The following SDHAF4 variants were observed in gnomAD, a reference collection of about 807,000 sequenced individuals.
SDHAF4 encodes succinate dehydrogenase assembly factor 4, mitochondrial.
In SDHAF4, 14 loss-of-function variants were observed where a neutral mutation model predicts 14.3. The ratio of observed to expected loss-of-function variants is 0.98; its 90% CI spans 0.65 to 1.53. The LOEUF is 1.53. SDHAF4 is among the 40% of genes most tolerant of loss of function. The pLI, the probability that SDHAF4 is intolerant of heterozygous loss-of-function variation, is 0.00. For missense variants in SDHAF4, 141 were observed against 129.3 expected (o/e 1.09, Z -0.44); for synonymous variants, 63 against 47.3 (o/e 1.33, Z -1.36).
chr6:70,590,279 C>A (rs116918887), downstream of SDHAF4, among the ~76,000 whole-genome samples: 1 of 152,014 alleles, frequency 6.6e-6, no homozygotes, highest in Non-Finnish European at 1.5e-5. Context: ...AGCACACATT[C>A]AAGAAAGGGG....
At chr6:70,596,569 C>G in the SDHAF4 span, 1 of 152,200 alleles carries the variant, frequency 6.6e-6, no homozygotes, top group Non-Finnish European at 1.5e-5. Context: ...TTAAAAACAA[C>G]CTACAGTTTT....
In SDHAF4 at chr6:70,571,022, A is replaced by T. The variant is rs552668267; in HGVS notation, c.64+4018A>T. Among the ~76,000 whole-genome samples, 75 of 152,290 alleles carry T rather than the reference A, an allele frequency of 4.9e-4. No individual in the cohort carries two copies. The South Asian group carries it at 8.9e-3, about 18-fold the overall frequency. On this transcript the variant is annotated intron_variant, in intron 1 of 2. Transcript: ENST00000370474. The stretch of plus-strand genomic sequence containing the variant: ...AAATTTCATGGAACATGAAAAAAAA[A>T]ATATGGTATTAGCTACAGTTATACC...
chr6:70,576,071 G>T (rs541658375), intron 1 of SDHAF4, among the ~76,000 whole-genome samples: 1 of 152,110 alleles, frequency 6.6e-6, no homozygotes, highest in Admixed American at 6.5e-5. Flanking sequence ...CATCTGACAC[G>T]CCCTTGTTTC....
chr6:70,571,549 G>A (rs930266756), intron 1 of SDHAF4, among the ~76,000 whole-genome samples: 1 of 152,064 alleles, frequency 6.6e-6, no homozygotes, highest in Non-Finnish European at 1.5e-5. Context: ...TTCTGACCTC[G>A]TGATATGCCT....
In SDHAF4 at chr6:70,579,489, C is replaced by A; in HGVS notation, c.140C>A (p.Ser47Tyr). Residue 47 changes from serine to tyrosine, a missense_variant, in exon 2 of 3, where the codon TCC becomes TAC. By Grantham distance (144) the Ser-to-Tyr change is moderately radical. Coordinates refer to ENST00000370474, the MANE Select transcript of SDHAF4 (RefSeq NM_145267.3). The part of the protein sequence containing the change: ...QGGKSELVKQ[S>Y]LKKPKLPEGR... ...GGAAAGTCTGAACTTGTCAAACAGTCCCTTAAGAAGCCGAAGTTACCAGAA... is the reference window on the plus strand; with the variant it reads ...GGAAAGTCTGAACTTGTCAAACAGTACCTTAAGAAGCCGAAGTTACCAGAA... 1 of 1,611,856 alleles carries A rather than the reference C, an allele frequency of 6.2e-7. No homozygotes were observed. Among genetic ancestry groups the A allele is most frequent in the Non-Finnish European group, 8.5e-7 (1 of 1,178,796 alleles).
At chr6:70,581,587 A>G (rs1167084420) in intron 2 of SDHAF4, among the ~76,000 whole-genome samples, 14 of 151,890 alleles carry the variant, frequency 9.2e-5, no homozygotes, top group Admixed American at 8.5e-4. Context: ...TTGTGTGTGT[A>G]TGTATGTGTG....
chr6:70,582,132 C>T (rs1017581287), intron 2 of SDHAF4, among the ~76,000 whole-genome samples: 6 of 152,114 alleles, frequency 3.9e-5, no homozygotes, highest in Admixed American at 3.3e-4. Context: ...AGTGCAGTGG[C>T]GCCATCACAG....
chr6:70,587,218 A>AGT (rs1349036963), intron 2 of SDHAF4, among the ~76,000 whole-genome samples: 1 of 148,118 alleles, frequency 6.8e-6, no homozygotes, highest in African/African-American at 2.5e-5. Flanking sequence ...GGTCAGGTGC[A>AGT]GTGGCTCACG....
intron 1 of SDHAF4, among the ~76,000 whole-genome samples, chr6:70,570,589 C>T (rs1001299623): frequency 6.7e-6 from 1 of 149,010 alleles, no homozygotes; most frequent in African/African-American, 2.5e-5. Flanking sequence ...CGAGAGCCAC[C>T]GTGCCCCCCA....
intron 1 of SDHAF4, among the ~76,000 whole-genome samples, chr6:70,575,377 G>GA (rs796171113): frequency 4.4e-4 from 60 of 136,680 alleles, no homozygotes; most frequent in African/African-American, 1.2e-3. Flanking sequence ...GACTCTGTCT[G>GA]AAAAAAAAAA....
chr6:70,572,393 G>A (rs1248594552), intron 1 of SDHAF4, among the ~76,000 whole-genome samples: 1 of 152,022 alleles, frequency 6.6e-6, no homozygotes, highest in Non-Finnish European at 1.5e-5. Flanking sequence ...TAATATCAGT[G>A]TATTGTATAC....
rs755569057 is a variant in SDHAF4, at chr6:70,588,698, C to T, written c.301C>T (p.Arg101Ter). The change falls in exon 3 of 3, where the codon CGA becomes TGA. Residue 101 changes from arginine (R) to a stop codon, truncating the protein, a stop_gained. Coordinates refer to ENST00000370474, the MANE Select transcript of SDHAF4 (RefSeq NM_145267.3). LOFTEE classifies it high-confidence loss of function. ...PEPTRYGDWERKGRCIDF is the reference protein window; with the variant it reads ...PEPTRYGDWE ...ACCTACCCGATATGGAGATTGGGAA[C>T]GAAAAGGACGCTGTATTGATTTTTA... 113 of 1,604,464 alleles carry T rather than the reference C, an allele frequency of 7.0e-5. No homozygotes were observed. Among genetic ancestry groups the T allele is most frequent in the Non-Finnish European group, 8.4e-5 (98 of 1,173,572 alleles).
intron 1 of SDHAF4, among the ~76,000 whole-genome samples, chr6:70,575,270 C>T (rs1439248561): frequency 1.3e-5 from 2 of 151,938 alleles, no homozygotes; most frequent in African/African-American, 4.8e-5. Flanking sequence ...CCCATCTACT[C>T]GGGAGGCTGA....
At chr6:70,591,325 A>G (rs2128536840), downstream of SDHAF4, among the ~76,000 whole-genome samples, 1 of 143,918 alleles carries the variant, frequency 6.9e-6, no homozygotes, top group East Asian at 2.2e-4. Flanking sequence ...AGGCGTTGTG[A>G]GAGGAAAGAT....
chr6:70,572,058 CTTTTTTTTTTTTT>C (rs66688860), intron 1 of SDHAF4, among the ~76,000 whole-genome samples: 740 of 53,576 alleles, frequency 0.014, 10 homozygotes, highest in Admixed American at 0.019. Context: ...CTTTTTTTGT[CTTTTTTTTTTTTT>C]TTTTTTTTTT....
chr6:70,580,291 C>A (rs181200852), intron 2 of SDHAF4, among the ~76,000 whole-genome samples: 2 of 152,080 alleles, frequency 1.3e-5, no homozygotes, highest in African/African-American at 4.8e-5. Flanking sequence ...ACTTCATACC[C>A]ACTAGGATGG....
chr6:70,574,948 C>A (rs1189463627), intron 1 of SDHAF4, among the ~76,000 whole-genome samples: 1 of 152,152 alleles, frequency 6.6e-6, no homozygotes, highest in Non-Finnish European at 1.5e-5. Flanking sequence ...CAAAAATCTT[C>A]CAGTTCACTT....
chr6:70,576,234 C>T (rs966780618), intron 1 of SDHAF4, among the ~76,000 whole-genome samples: 1 of 152,230 alleles, frequency 6.6e-6, no homozygotes, highest in Admixed American at 6.5e-5. Context: ...AAATGAGGGG[C>T]ATTATCTTCC....
At chr6:70,590,456 G>A (rs1298498008), downstream of SDHAF4, among the ~76,000 whole-genome samples, 1 of 152,192 alleles carries the variant, frequency 6.6e-6, no homozygotes, top group Non-Finnish European at 1.5e-5. Flanking sequence ...GGTGTTCCCA[G>A]AATAGTCATG....
Sources: allele counts gnomAD v4.1 joint callset (sites outside exome capture counted in the v4.1 genomes callset), GRCh38; gene constraint gnomAD v4.1.1; transcripts MANE v1.5; gene names NCBI Gene and HGNC (gene_info 2026-07-23, HGNC 2026-07-21).